C12orf50: variants seen among roughly 807,000 people sequenced by gnomAD.
C12orf50 encodes the protein zinc finger CCCH-type containing 11D.
A neutral mutation model predicts 61.6 loss-of-function variants in C12orf50; 35 were observed. That is an observed-to-expected ratio of 0.57 (90% CI 0.43 to 0.75). The LOEUF is 0.75. Among genes scored for constraint, C12orf50 ranks in the 30% least tolerant of loss-of-function variants. The probability of loss-of-function intolerance (pLI) is 0.00; values close to 1 mark genes in which losing one functional copy is unlikely to be tolerated. For missense variants in C12orf50, 475 were observed against 488.5 expected (o/e 0.97, Z 0.26); for synonymous variants, 178 against 161.5 (o/e 1.10, Z -0.77).
chr12:87,995,468 CAA>C (rs1270158253), intron 6 of C12orf50, among the ~76,000 whole-genome samples: 2 of 152,010 alleles, frequency 1.3e-5, no homozygotes, highest in African/African-American at 2.4e-5. Flanking sequence ...ATTATAATAA[CAA>C]TGTGTATATT....
upstream of C12orf50, among the ~76,000 whole-genome samples, chr12:88,029,721 G>C (rs2032829276): frequency 6.6e-6 from 1 of 151,968 alleles, no homozygotes; most frequent in South Asian, 2.1e-4. Flanking sequence ...CTAAAAATTT[G>C]CCATAGGTAA....
At chr12:88,006,158 C>T (rs548890201) in intron 3 of C12orf50, among the ~76,000 whole-genome samples, 7 of 152,018 alleles carry the variant, frequency 4.6e-5, no homozygotes, top group East Asian at 1.9e-4. Flanking sequence ...CCTCGTGATC[C>T]GCCCACATCG....
chr12:88,013,169 C>A (rs2032176530), intron 3 of C12orf50, among the ~76,000 whole-genome samples: 1 of 151,746 alleles, frequency 6.6e-6, no homozygotes, highest in Non-Finnish European at 1.5e-5. Context: ...ACATGACAAC[C>A]AATTGCAATG....
intron 7 of C12orf50, among the ~76,000 whole-genome samples, chr12:87,989,990 C>G (rs2031041099): frequency 6.6e-6 from 1 of 152,102 alleles, no homozygotes; most frequent in Non-Finnish European, 1.5e-5. Flanking sequence ...AACTATCTTT[C>G]TATACTGCCT....
Position 87,996,743 on chromosome 12 carries a change from G to A in C12orf50, c.290-97C>T. 5.0e-6 allele frequency: 4 copies of A among 798,216 alleles called. No individual in the cohort carries two copies. The South Asian group carries it at 6.9e-5, about 14-fold the overall frequency. The allele number at this position is 798,216 out of a possible 1,614,324, so 49.4% of individuals were successfully genotyped here. The stretch of plus-strand genomic sequence containing the variant: ...GAAAACCCCAAATACTGTTCTCATG[G>A]ATAGATTACTTTTTTATATTTCTAA... On this transcript the variant is annotated intron_variant, in intron 4 of 12. Coordinates refer to ENST00000298699, the MANE Select transcript of C12orf50 (RefSeq NM_152589.3).
At chr12:87,992,443 G>T (rs1029412738) in intron 7 of C12orf50, among the ~76,000 whole-genome samples, 1 of 151,866 alleles carries the variant, frequency 6.6e-6, no homozygotes, top group South Asian at 2.1e-4. Context: ...AAATGCCCAC[G>T]TTTGTTTTCA....
chr12:88,023,931 TAAC>T (rs925704125), intron 3 of C12orf50, among the ~76,000 whole-genome samples: 3 of 152,180 alleles, frequency 2.0e-5, no homozygotes, highest in Non-Finnish European at 2.9e-5. Context: ...ATAAGGGACT[TAAC>T]AAGCAAAAAC....
chr12:88,010,835 A>C (rs1010020392), intron 3 of C12orf50, among the ~76,000 whole-genome samples: 2 of 152,110 alleles, frequency 1.3e-5, no homozygotes, highest in African/African-American at 4.8e-5. Context: ...CAAGTAATGC[A>C]GTAAAACTTC....
chr12:87,998,111 A>G lies in C12orf50; in HGVS notation c.213T>C (p.Asn71=). ...QSQEPLKPQE[N]ISRPIHHPLV... ...AAGGATGGTGGATGGGTCGTGATAT[A>G]TTTTCCTGAGGTTTCAGAGGTTCTT... Residue 71 remains asparagine (N), a synonymous_variant, in exon 4 of 13, where the codon AAT becomes AAC. Coordinates refer to ENST00000298699, the MANE Select transcript of C12orf50 (RefSeq NM_152589.3). 1 of 1,612,908 alleles carries G rather than the reference A, an allele frequency of 6.2e-7. No homozygotes were observed. Among genetic ancestry groups the G allele is most frequent in the Non-Finnish European group, 8.5e-7 (1 of 1,179,332 alleles).
intron 3 of C12orf50, among the ~76,000 whole-genome samples, chr12:88,013,248 C>T (rs1446413976): frequency 6.6e-6 from 1 of 152,070 alleles, no homozygotes; most frequent in Non-Finnish European, 1.5e-5. Flanking sequence ...CTGCTCTACC[C>T]AACACTTGGT....
rs2031506922 is a variant in C12orf50, at chr12:87,998,314, A to G, written c.134-124T>C. 1.2e-5 allele frequency: 8 copies of G among 643,066 alleles called. No homozygotes were observed. The Admixed American group carries it at 2.7e-4, about 22-fold the overall frequency. The allele number at this position is 643,066 out of a possible 1,614,324, so 39.8% of individuals were successfully genotyped here. A position where few individuals can be genotyped will look rare whatever the true frequency, so the allele number is the denominator to read the frequency against. ...TTTAAAATGTGTACAATAATAATAC[A>G]TTAATGGATTGTGTTTCTACACACT... On this transcript the variant is annotated intron_variant, in intron 3 of 12. Coordinates refer to ENST00000298699, the MANE Select transcript of C12orf50 (RefSeq NM_152589.3).
intron 3 of C12orf50, among the ~76,000 whole-genome samples, chr12:88,018,128 C>T (rs908317440): frequency 1.1e-4 from 16 of 152,162 alleles, no homozygotes; most frequent in African/African-American, 3.9e-4. Context: ...TCTTGGCAGC[C>T]CCTCCTATCA....
At chr12:88,004,553 T>C (rs757187952) in intron 3 of C12orf50, among the ~76,000 whole-genome samples, 1 of 152,134 alleles carries the variant, frequency 6.6e-6, no homozygotes, top group Non-Finnish European at 1.5e-5. Flanking sequence ...ATTGGGTATA[T>C]ACAGTCTACC....
chr12:88,014,129 A>C (rs2032217097), intron 3 of C12orf50, among the ~76,000 whole-genome samples: 1 of 152,152 alleles, frequency 6.6e-6, no homozygotes, highest in Non-Finnish European at 1.5e-5. Context: ...AAAAAACTTT[A>C]ATAGCTTTGA....
intron 3 of C12orf50, among the ~76,000 whole-genome samples, chr12:88,025,808 A>G (rs2032683022): frequency 6.6e-6 from 1 of 152,202 alleles, no homozygotes; most frequent in Non-Finnish European, 1.5e-5. Flanking sequence ...GAAGGAAAGT[A>G]GAGTAGTTAC....
At chr12:88,004,953 C>T (rs1031820703) in intron 3 of C12orf50, among the ~76,000 whole-genome samples, 74 of 151,812 alleles carry the variant, frequency 4.9e-4, no homozygotes, top group Admixed American at 3.1e-3. Flanking sequence ...ACCTGGGTGA[C>T]GAAATAATAT....
chr12:88,007,332 A>G (rs558913414), intron 3 of C12orf50, among the ~76,000 whole-genome samples: 10 of 151,910 alleles, frequency 6.6e-5, no homozygotes, highest in African/African-American at 2.4e-4. Context: ...CTTAGCAAAT[A>G]TTAGAACAAC....
At chr12:88,024,653 A>C (rs888707990) in intron 3 of C12orf50, among the ~76,000 whole-genome samples, 4 of 152,158 alleles carry the variant, frequency 2.6e-5, no homozygotes, top group Non-Finnish European at 4.4e-5. Flanking sequence ...GATCAGAAAA[A>C]ATATCTATCA....
chr12:88,026,349 A>G, intron 3 of C12orf50, 139 bp downstream of exon 3: 1 of 930,712 alleles, frequency 1.1e-6, no homozygotes, highest in South Asian at 1.9e-5. Flanking sequence ...TGTCTCATGT[A>G]GAATCATTCC....
Sources: allele counts gnomAD v4.1 joint callset (sites outside exome capture counted in the v4.1 genomes callset), GRCh38; gene constraint gnomAD v4.1.1; transcripts MANE v1.5; gene names NCBI Gene and HGNC (gene_info 2026-07-23, HGNC 2026-07-21).